DISC1: variants seen among roughly 807,000 people sequenced by gnomAD.
DISC1 encodes the protein disrupted in schizophrenia 1 protein.
In DISC1, 57 loss-of-function variants were observed where a neutral mutation model predicts 84.5. The observed-to-expected ratio is 0.67, with a 90% confidence interval of 0.55 to 0.84. The LOEUF (loss-of-function observed/expected upper bound fraction) is 0.84. Ranked by LOEUF, DISC1 falls within the 40% of genes least tolerant of loss-of-function variation. DISC1 has a pLI of 0.00. For missense variants in DISC1, 1,000 were observed against 1,057.8 expected, an observed-to-expected ratio of 0.95 and a Z score of 0.76; for synonymous variants, 411 against 415.2, an observed-to-expected ratio of 0.99 and a Z score of 0.12.
intron 10 of DISC1, among the ~76,000 whole-genome samples, chr1:231,967,760 G>A (rs1661313102): frequency 6.6e-6 from 1 of 152,144 alleles, no homozygotes; most frequent in South Asian, 2.1e-4. Flanking sequence ...TCATTAATTT[G>A]ATAATCATTG....
chr1:232,008,343 T>A (rs779555924), intron 10 of DISC1, among the ~76,000 whole-genome samples: 1 of 152,254 alleles, frequency 6.6e-6, no homozygotes, highest in Non-Finnish European at 1.5e-5. Context: ...AAAGGTTATT[T>A]AAGCCGAGTT....
chr1:231,786,352 G>A (rs1333624036), intron 6 of DISC1, among the ~76,000 whole-genome samples: 1 of 152,228 alleles, frequency 6.6e-6, no homozygotes, highest in Non-Finnish European at 1.5e-5. Context: ...AGTTAGTGGG[G>A]TAGTGGTGTA....
chr1:231,919,358 A>G (rs189123058), intron 9 of DISC1, among the ~76,000 whole-genome samples: 427 of 152,340 alleles, frequency 2.8e-3, no homozygotes, highest in Non-Finnish European at 4.9e-3. Flanking sequence ...AGACTTTACC[A>G]TGCTTGCTTT....
chr1:231,799,176 T>A (rs1227267146), intron 7 of DISC1, among the ~76,000 whole-genome samples: 1 of 152,050 alleles, frequency 6.6e-6, no homozygotes, highest in Non-Finnish European at 1.5e-5. Context: ...AGAAAAAAAC[T>A]GTAGGATGTG....
chr1:231,837,588 A>T (rs1286682427), intron 9 of DISC1, among the ~76,000 whole-genome samples: 2 of 151,906 alleles, frequency 1.3e-5, no homozygotes, highest in South Asian at 2.1e-4. Context: ...TGATCTATAT[A>T]TTTTTTTTCT....
chr1:232,011,081 C>T (rs1667980409), intron 11 of DISC1, among the ~76,000 whole-genome samples: 1 of 152,174 alleles, frequency 6.6e-6, no homozygotes, highest in African/African-American at 2.4e-5. Flanking sequence ...CCCTCCTTCT[C>T]TGCCCTGCCC....
At chr1:231,800,611 G>A (rs762713909) in intron 8 of DISC1, among the ~76,000 whole-genome samples, 14 of 152,196 alleles carry the variant, frequency 9.2e-5, no homozygotes, top group Admixed American at 2.6e-4. Flanking sequence ...GAAACTTGGC[G>A]AATCCTCAAA....
At chr1:231,695,149 A>T (rs1435351780) in intron 2 of DISC1, among the ~76,000 whole-genome samples, 1 of 152,108 alleles carries the variant, frequency 6.6e-6, no homozygotes, top group African/African-American at 2.4e-5. Flanking sequence ...GAGCTGGGTG[A>T]TGTTTGGAAG....
At chr1:231,818,635 A>C in intron 9 of DISC1, 118 bp downstream of exon 9, 1 of 1,493,366 alleles carries the variant, frequency 6.7e-7, no homozygotes, top group South Asian at 1.4e-5. Context: ...CATGGAGCAC[A>C]TGGCCCTTTT....
chr1:231,936,834 T>G (rs886524582), intron 9 of DISC1, among the ~76,000 whole-genome samples: 3 of 152,206 alleles, frequency 2.0e-5, no homozygotes, highest in Non-Finnish European at 4.4e-5. Flanking sequence ...CCTTTGAAAC[T>G]CTCTTCCTTC....
chr1:231,788,504 A>C (rs1004121776), intron 6 of DISC1, among the ~76,000 whole-genome samples: 2 of 152,210 alleles, frequency 1.3e-5, no homozygotes, highest in Non-Finnish European at 2.9e-5. Context: ...AACTCAAAGT[A>C]CATTTGCAAC....
intron 6 of DISC1, among the ~76,000 whole-genome samples, chr1:231,785,247 G>A (rs2077746486): frequency 1.3e-5 from 1 of 74,476 alleles, no homozygotes; most frequent in East Asian, 2.9e-4. Context: ...GTGTGTGTGT[G>A]TGTGTGTTAT....
chr1:231,626,940 G>T lies in DISC1; in HGVS notation c.67+6G>T, dbSNP rs2058298803. ...CGGCGTGAGCCACCGCGCAGGTAGG[G>T]GAGCTGCCACAGAGTCCTAGCACGT... is the stretch of plus-strand genomic sequence containing the variant. On this transcript the variant is annotated splice_donor_region_variant and intron_variant, in intron 1 of 12. Transcript: ENST00000439617. 6.7e-7 allele frequency: 1 copy of T among 1,503,746 alleles called. No homozygotes were observed. The highest frequency in any genetic ancestry group is 1.2e-5 in the South Asian group (1 of 81,220). 93.2% of individuals were successfully genotyped at this position (1,503,746 alleles called of 1,614,324 possible). A position where few individuals can be genotyped will look rare whatever the true frequency, so the allele number is the denominator to read the frequency against.
intron 12 of DISC1, among the ~76,000 whole-genome samples, chr1:232,027,562 G>A (rs200393098): frequency 6.6e-6 from 1 of 152,152 alleles, no homozygotes; most frequent in Non-Finnish European, 1.5e-5. Flanking sequence ...TCTGCTGAGA[G>A]CAAATGGGTG....
chr1:231,857,017 G>A (rs2084320888), intron 9 of DISC1, among the ~76,000 whole-genome samples: 2 of 152,176 alleles, frequency 1.3e-5, no homozygotes, highest in Non-Finnish European at 2.9e-5. Context: ...TTTACATGAG[G>A]GTTTAAGGAA....
intron 9 of DISC1, among the ~76,000 whole-genome samples, chr1:231,901,334 T>G (rs1482969423): frequency 6.6e-6 from 1 of 152,222 alleles, no homozygotes; most frequent in Non-Finnish European, 1.5e-5. Flanking sequence ...TGAGTAAATT[T>G]AATTTTAGAA....
Position 232,037,359 on chromosome 1 carries a change from G to A in DISC1, c.*528G>A, listed in dbSNP as rs1311825236. 3.9e-5 allele frequency: 6 copies of A among 152,176 alleles called. No individual in the cohort carries two copies. Among genetic ancestry groups the A allele is most frequent in the South Asian group, 4.1e-4 (2 of 4,828 alleles). 9.4% of individuals were successfully genotyped at this position (152,176 alleles called of 1,614,324 possible). A position where few individuals can be genotyped will look rare whatever the true frequency, so the allele number is the denominator to read the frequency against. On this transcript the variant is annotated 3_prime_UTR_variant, in exon 13 of 13. Transcript: ENST00000439617. ...AACAGCTTTTCACCTTACTTCTCCT[G>A]TGATCTAATATTATCTTAGAAAAAT...
At chr1:232,029,226 A>G (rs535766964) in intron 12 of DISC1, among the ~76,000 whole-genome samples, 1 of 152,336 alleles carries the variant, frequency 6.6e-6, no homozygotes, top group Non-Finnish European at 1.5e-5. Context: ...AATAAAATCT[A>G]CACCACGATA....
chr1:231,758,243 T>C (rs1443744313), intron 4 of DISC1, among the ~76,000 whole-genome samples: 1 of 152,176 alleles, frequency 6.6e-6, no homozygotes, highest in Non-Finnish European at 1.5e-5. Flanking sequence ...CAGGTCCCTG[T>C]CTCAGGCTCT....
Sources: gnomAD v4.1 joint callset for allele counts (sites outside exome capture counted in the v4.1 genomes callset) on GRCh38, gnomAD v4.1.1 for gene constraint, MANE v1.5 for transcripts, NCBI Gene and HGNC (gene_info 2026-07-23, HGNC 2026-07-21) for gene names.